Variants in SORCS2 observed in about 807,000 individuals in gnomAD.
SORCS2 encodes VPS10 domain-containing receptor SorCS2.
SORCS2 carries 100 observed loss-of-function variants against 141.6 expected under a neutral mutation model. The observed-to-expected ratio is 0.71, with a 90% CI of 0.60 to 0.83. The LOEUF is 0.83. Among genes scored for constraint, SORCS2 ranks in the 40% least tolerant of loss-of-function variants. The pLI is 0.00. For missense variants in SORCS2, 1,646 were observed against 1,560.2 expected (o/e 1.05, Z -0.93); for synonymous variants, 789 against 676.9 (o/e 1.17, Z -2.57).
chr4:7,650,513 G>A (rs1000352943), intron 4 of SORCS2, among the ~76,000 whole-genome samples: 1 of 152,254 alleles, frequency 6.6e-6, no homozygotes, highest in South Asian at 2.1e-4. Context: ...GTCTCCTGCT[G>A]TGCACGGTGG....
chr4:7,573,961 G>T (rs562940597), intron 3 of SORCS2, among the ~76,000 whole-genome samples: 1 of 152,350 alleles, frequency 6.6e-6, no homozygotes, highest in East Asian at 1.9e-4. Context: ...CAGGGTACTT[G>T]GTCCCAGAAA....
chr4:7,724,841 G>GTGATGGTGGTAGTTATGGTGA lies in SORCS2; in HGVS notation c.2612-300_2612-299insTATGGTGATGATGGTGGTAGT, dbSNP rs199606694. 1.8e-4 allele frequency among the ~76,000 whole-genome samples: 24 copies of GTGATGGTGGTAGTTATGGTGA among 132,928 alleles called. 3 individuals are homozygous for GTGATGGTGGTAGTTATGGTGA. Among genetic ancestry groups the GTGATGGTGGTAGTTATGGTGA allele is most frequent in the East Asian group, 2.3e-4 (1 of 4,266 alleles). The allele number at this position is 132,928 out of a possible 152,430, so 87.2% of individuals were successfully genotyped here. On this transcript the variant is annotated intron_variant, in intron 19 of 26. Transcript: ENST00000507866. Reference sequence around the variant, plus strand: ...GGTGATGGCAGTGATGATGGTGGAGGTGATGGTGGTAGTGGTGATGGTGGT... The same window carrying GTGATGGTGGTAGTTATGGTGA: ...GGTGATGGCAGTGATGATGGTGGAGGTGATGGTGGTAGTTATGGTGATGATGGTGGTAGTGGTGATGGTGGT...
chr4:7,710,679 A>G (rs578032977), intron 14 of SORCS2, among the ~76,000 whole-genome samples: 1 of 152,230 alleles, frequency 6.6e-6, no homozygotes, highest in East Asian at 1.9e-4. Flanking sequence ...CCTCATCCCA[A>G]TCACGGGTGC....
rs1725267811 is a variant in SORCS2, at chr4:7,704,222, C to T, written c.1806C>T (p.Thr602=). 6.2e-7 allele frequency: 1 copy of T among 1,613,248 alleles called. No individual in the cohort carries two copies. Among genetic ancestry groups the T allele is most frequent in the East Asian group, 2.2e-5 (1 of 44,858 alleles). The change falls in exon 14 of 27, where the codon ACC becomes ACT. Residue 602 remains threonine, a synonymous_variant. Coordinates refer to ENST00000507866, the MANE Select transcript of SORCS2 (RefSeq NM_020777.3). ...TCACCTGGAGCACGCACAACTTCAC[C>T]AGCACCTCGGTGTTTGTGGACGGGC... The part of the protein sequence containing the change: ...EGLTWSTHNF[T]STSVFVDGLL...
At chr4:7,426,036 C>T (rs1359921011) in intron 2 of SORCS2, among the ~76,000 whole-genome samples, 2 of 152,160 alleles carry the variant, frequency 1.3e-5, no homozygotes, top group Non-Finnish European at 2.9e-5. Flanking sequence ...GGTCTTCTGC[C>T]CCGGGATGCT....
chr4:7,523,009 C>G (rs1444299633), intron 2 of SORCS2, among the ~76,000 whole-genome samples: 1 of 145,922 alleles, frequency 6.9e-6, no homozygotes. Context: ...CCCACTCTTC[C>G]CTCTTTGTCA....
intron 3 of SORCS2, among the ~76,000 whole-genome samples, chr4:7,619,204 G>A (rs926597268): frequency 6.6e-6 from 1 of 152,172 alleles, no homozygotes; most frequent in Non-Finnish European, 1.5e-5. Context: ...GCTAATAGAG[G>A]CTACCCAATA....
chr4:7,298,142 C>T (rs1316983048), intron 1 of SORCS2, among the ~76,000 whole-genome samples: 1 of 152,158 alleles, frequency 6.6e-6, no homozygotes, highest in Admixed American at 6.5e-5. Flanking sequence ...CAGAGGGGAA[C>T]AGAGCGTGGC....
intron 5 of SORCS2, among the ~76,000 whole-genome samples, chr4:7,656,017 C>T (rs552851060): frequency 1.3e-5 from 2 of 152,356 alleles, no homozygotes; most frequent in South Asian, 2.1e-4. Context: ...ACCACGGCCC[C>T]GGCCCTGGGA....
At chr4:7,700,359 T>A (rs1360011458) in intron 12 of SORCS2, among the ~76,000 whole-genome samples, 2 of 152,138 alleles carry the variant, frequency 1.3e-5, no homozygotes, top group African/African-American at 4.8e-5. Flanking sequence ...AGTGGGCAAG[T>A]CACTGTCACT....
intron 2 of SORCS2, among the ~76,000 whole-genome samples, chr4:7,436,313 G>C (rs1238762892): frequency 2.0e-5 from 3 of 152,230 alleles, no homozygotes; most frequent in Non-Finnish European, 4.4e-5. Flanking sequence ...ATGGGCTTAT[G>C]ATGGGCCTGC....
At chr4:7,370,535 G>A (rs1722183607) in intron 1 of SORCS2, among the ~76,000 whole-genome samples, 1 of 152,222 alleles carries the variant, frequency 6.6e-6, no homozygotes, top group Non-Finnish European at 1.5e-5. Flanking sequence ...TAAGGTCCTT[G>A]GCAGCTTGGC....
rs535923128 is a variant in SORCS2 at position 7,217,105 on chromosome 4, T to C, written c.480+23979T>C. On this transcript the variant is annotated intron_variant, in intron 1 of 26. Coordinates refer to ENST00000507866, the MANE Select transcript of SORCS2 (RefSeq NM_020777.3). ...TCTTTCAGAGCAAGTCCGGCCCTGC[T>C]CCATGGGGCTCCTCTTTCCCCTTCA... Among the ~76,000 whole-genome samples, 490 of 152,296 alleles carry C rather than the reference T, an allele frequency of 3.2e-3. 1 individual carries two copies. Among genetic ancestry groups the C allele is most frequent in the Non-Finnish European group, 5.5e-3 (376 of 68,020 alleles).
chr4:7,739,894 C>G (rs2148909082), intron 26 of SORCS2, among the ~76,000 whole-genome samples: 1 of 152,316 alleles, frequency 6.6e-6, no homozygotes, highest in East Asian at 1.9e-4. Context: ...CTCGCACCCC[C>G]TTGCTGCCGA....
At chr4:7,536,023 G>C (rs1413228029) in intron 3 of SORCS2, among the ~76,000 whole-genome samples, 4 of 152,240 alleles carry the variant, frequency 2.6e-5, no homozygotes, top group Admixed American at 6.5e-5. Flanking sequence ...GTGCGCTTCT[G>C]CCTCAGGAGA....
chr4:7,538,600 C>T (rs902949148), intron 3 of SORCS2, among the ~76,000 whole-genome samples: 1 of 152,266 alleles, frequency 6.6e-6, no homozygotes, highest in East Asian at 1.9e-4. Flanking sequence ...CACACACACA[C>T]ACACACACAC....
chr4:7,713,368 GGGATTTCA>G (rs1725957199), intron 15 of SORCS2, among the ~76,000 whole-genome samples: 1 of 152,084 alleles, frequency 6.6e-6, no homozygotes, highest in Non-Finnish European at 1.5e-5. Flanking sequence ...GGGGAAGCCT[GGGATTTCA>G]GAGTGTGGGG....
intron 1 of SORCS2, among the ~76,000 whole-genome samples, chr4:7,218,386 G>C (rs1728502725): frequency 6.6e-6 from 1 of 152,204 alleles, no homozygotes; most frequent in Non-Finnish European, 1.5e-5. Flanking sequence ...TACCGTGGCA[G>C]AGACCAAACT....
intron 3 of SORCS2, among the ~76,000 whole-genome samples, chr4:7,591,307 T>C (rs1227310133): frequency 6.6e-6 from 1 of 152,202 alleles, no homozygotes; most frequent in Non-Finnish European, 1.5e-5. Flanking sequence ...GGTCCCGTTT[T>C]ACAGCCAGAA....
Sources: allele counts gnomAD v4.1 joint callset (sites outside exome capture counted in the v4.1 genomes callset), GRCh38; gene constraint gnomAD v4.1.1; transcripts MANE v1.5; gene names NCBI Gene and HGNC (gene_info 2026-07-23, HGNC 2026-07-21).